DLGAP4: variants seen among roughly 807,000 people sequenced by gnomAD.
The protein encoded by DLGAP4 is disks large-associated protein 4.
Under a neutral mutation model 86.9 loss-of-function variants are expected in DLGAP4, and 18 were observed. The ratio of observed to expected loss-of-function variants is 0.21; its 90% CI spans 0.14 to 0.31. The LOEUF (loss-of-function observed/expected upper bound fraction) is 0.31. Among genes scored for constraint, DLGAP4 ranks in the 10% least tolerant of loss-of-function variants. DLGAP4 has a pLI of 1.00. For synonymous variants in DLGAP4, 548 were observed against 574.3 expected, an observed-to-expected ratio of 0.95 and a Z score of 0.65; for missense variants, 1,085 against 1,362.6, an observed-to-expected ratio of 0.80 and a Z score of 3.21.
intron 7 of DLGAP4, among the ~76,000 whole-genome samples, chr20:36,489,241 C>G (rs541064053): frequency 2.0e-5 from 3 of 152,288 alleles, no homozygotes; most frequent in South Asian, 4.2e-4. Context: ...CAAGTAAATT[C>G]AAGTGAGTAG....
intron 2 of DLGAP4, among the ~76,000 whole-genome samples, chr20:36,413,643 G>A (rs1430773452): frequency 1.3e-5 from 2 of 149,678 alleles, no homozygotes; most frequent in Admixed American, 6.7e-5. Flanking sequence ...ATGGTCTTGA[G>A]CTCCTGACCT....
intron 1 of DLGAP4, among the ~76,000 whole-genome samples, chr20:36,339,457 C>T (rs533655365): frequency 6.6e-4 from 101 of 152,210 alleles, no homozygotes; most frequent in Non-Finnish European, 1.0e-3. Context: ...GCACGATCTC[C>T]GCTCACTGCA....
At chr20:36,520,612 G>A (rs2037317537) in intron 10 of DLGAP4, among the ~76,000 whole-genome samples, 1 of 152,156 alleles carries the variant, frequency 6.6e-6, no homozygotes, top group Non-Finnish European at 1.5e-5. Context: ...CTCTCAAAGG[G>A]CTAGGATTAT....
intron 7 of DLGAP4, among the ~76,000 whole-genome samples, chr20:36,462,872 C>T (rs2034162567): frequency 6.6e-6 from 1 of 152,216 alleles, no homozygotes. Context: ...CATGGCCTGG[C>T]ACTTTGTGAT....
intron 7 of DLGAP4, among the ~76,000 whole-genome samples, chr20:36,493,748 T>TA (rs2035767473): frequency 6.6e-6 from 1 of 152,178 alleles, no homozygotes; most frequent in Non-Finnish European, 1.5e-5. Flanking sequence ...GGCTGCTGCT[T>TA]ACTCCTGCAA....
At chr20:36,477,018 T>C (rs1320401371) in intron 7 of DLGAP4, among the ~76,000 whole-genome samples, 1 of 148,848 alleles carries the variant, frequency 6.7e-6, no homozygotes, top group Non-Finnish European at 1.5e-5. Flanking sequence ...TAAGGAGATA[T>C]ATTTGAAGGG....
chr20:36,452,225 C>T (rs2033754206), intron 7 of DLGAP4, among the ~76,000 whole-genome samples: 2 of 152,086 alleles, frequency 1.3e-5, no homozygotes, highest in South Asian at 4.1e-4. Flanking sequence ...GTCACCCAGG[C>T]ATGGGTGCAG....
At chr20:36,365,843 CT>C (rs2030666782) in intron 1 of DLGAP4, among the ~76,000 whole-genome samples, 1 of 152,168 alleles carries the variant, frequency 6.6e-6, no homozygotes, top group Admixed American at 6.5e-5. Flanking sequence ...CCAGAGCCCC[CT>C]AGACCTGGAC....
chr20:36,472,042 C>T (rs1166388808), intron 7 of DLGAP4, among the ~76,000 whole-genome samples: 1 of 152,196 alleles, frequency 6.6e-6, no homozygotes, highest in African/African-American at 2.4e-5. Context: ...AGCATGTCTA[C>T]ACTGCCAGCA....
rs546808351 is a variant in DLGAP4 at position 36,308,108 on chromosome 20, G to T, written c.-304+1596G>T. Reference sequence around the variant, plus strand: ...GTGTGTTCCCAGCAGCTCCGGAGACGCTGGCTGTGCACGTGGGGCTGGCTA... The same window carrying T: ...GTGTGTTCCCAGCAGCTCCGGAGACTCTGGCTGTGCACGTGGGGCTGGCTA... On this transcript the variant is annotated intron_variant, in intron 1 of 12. Coordinates refer to ENST00000339266, the MANE Select transcript of DLGAP4 (RefSeq NM_001365621.2). This position sits in a 1 kb window ranked among gnomAD's most constrained non-coding sequence, Gnocchi z 4.5. 6.6e-6 allele frequency among the ~76,000 whole-genome samples: 1 copy of T among 152,338 alleles called. No homozygotes were observed. The highest frequency in any genetic ancestry group is 1.5e-5 in the Non-Finnish European group (1 of 68,022).
chr20:36,307,437 ATCCCTCCGGCCCTTCT>A (rs1346233842), intron 1 of DLGAP4, among the ~76,000 whole-genome samples: 3 of 151,682 alleles, frequency 2.0e-5, no homozygotes, highest in Admixed American at 1.3e-4. Flanking sequence ...CCATCCCTCC[ATCCCTCCGGCCCTTCT>A]CCCCTTCTTC....
chr20:36,509,626 T>C (rs2036577135), intron 10 of DLGAP4, among the ~76,000 whole-genome samples: 1 of 152,060 alleles, frequency 6.6e-6, no homozygotes, highest in African/African-American at 2.4e-5. Flanking sequence ...GGTGTACACC[T>C]GTAGTCCCAG....
At chr20:36,467,017 CCTCTCTCTCTCT>C (rs55778929) in intron 7 of DLGAP4, among the ~76,000 whole-genome samples, 1,136 of 50,352 alleles carry the variant, frequency 0.023, 28 homozygotes, top group Middle Eastern at 0.043. Context: ...CTCTCTCTCT[CCTCTCTCTCTCT>C]CTCTCTCTCT....
intron 4 of DLGAP4, 137 bp from the exon 5 acceptor site, chr20:36,439,617 A>G: frequency 1.4e-6 from 1 of 697,634 alleles, no homozygotes; most frequent in Non-Finnish European, 2.5e-6. Flanking sequence ...AGTCAAATAC[A>G]AGCTGGTGCT....
chr20:36,438,172 G>A (rs866273546), intron 4 of DLGAP4, among the ~76,000 whole-genome samples: 3 of 152,094 alleles, frequency 2.0e-5, no homozygotes, highest in Non-Finnish European at 1.5e-5. Flanking sequence ...TCAGGAGTTT[G>A]ACACCAGCCT....
At position 36,446,698 on chromosome 20, in the gene DLGAP4, T is replaced by C; in HGVS notation, c.1409T>C (p.Val470Ala). ...IPQLFGHEQQ[V>A]REAELSDQYE... is the part of the protein sequence containing the mutation. ...TCATGCCTGCCTTTGCCTGGACAGGTACGGGAGGCAGAGCTGAGTGACCAG... is the reference window on the plus strand; with the variant it reads ...TCATGCCTGCCTTTGCCTGGACAGGCACGGGAGGCAGAGCTGAGTGACCAG... Residue 470 changes from valine to alanine, a missense_variant and splice_region_variant, in exon 7 of 13, where the codon GTA becomes GCA. Val to Ala is a moderately conservative substitution (Grantham distance 64). This residue lies in a region of DLGAP4 where 1,082 missense variants were observed against 1,344.1 expected (regional missense o/e 0.81). Coordinates refer to ENST00000339266, the MANE Select transcript of DLGAP4 (RefSeq NM_001365621.2). The C allele has an allele frequency of 6.3e-7, 1 of 1,598,446 alleles. No homozygotes were observed. The highest frequency in any genetic ancestry group is 8.6e-7 in the Non-Finnish European group (1 of 1,168,910).
At chr20:36,417,844 G>T (rs1233247497) in intron 2 of DLGAP4, among the ~76,000 whole-genome samples, 1 of 151,902 alleles carries the variant, frequency 6.6e-6, no homozygotes, top group East Asian at 1.9e-4. Context: ...GAATGCAGTG[G>T]CACAATCTCA....
intron 1 of DLGAP4, among the ~76,000 whole-genome samples, chr20:36,357,874 A>G (rs921143419): frequency 2.4e-4 from 36 of 152,342 alleles, no homozygotes; most frequent in Admixed American, 2.0e-3. Context: ...GGGGCTGCGG[A>G]TCCCGTCGGA....
chr20:36,312,649 T>C (rs1647824235), intron 1 of DLGAP4, among the ~76,000 whole-genome samples: 2 of 152,320 alleles, frequency 1.3e-5, no homozygotes, highest in African/African-American at 4.8e-5. Flanking sequence ...GCGCCTGCTG[T>C]GTACCTAGCA....
Sources: allele counts gnomAD v4.1 joint callset (sites outside exome capture counted in the v4.1 genomes callset), GRCh38; gene constraint gnomAD v4.1.1; regional missense constraint gnomAD v4.1.1; non-coding constraint Gnocchi (gnomAD v3.1); transcripts MANE v1.5; gene names NCBI Gene and HGNC (gene_info 2026-07-23, HGNC 2026-07-21).